KMT2C: variants seen among roughly 807,000 people sequenced by gnomAD.
KMT2C encodes the protein histone-lysine N-methyltransferase 2C.
A neutral mutation model predicts 507.9 loss-of-function variants in KMT2C; 88 were observed. The observed-to-expected ratio is 0.17, with a 90% CI of 0.15 to 0.21. KMT2C has a LOEUF of 0.21. Among genes scored for constraint, KMT2C ranks in the 10% least tolerant of loss-of-function variants. The pLI, the probability that KMT2C is intolerant of heterozygous loss-of-function variation, is 1.00. For synonymous variants in KMT2C, 2,049 were observed against 2,080.8 expected, an observed-to-expected ratio of 0.98 and a Z score of 0.42; for missense variants, 4,954 against 5,957.8, an observed-to-expected ratio of 0.83 and a Z score of 5.55.
At chr7:152,277,241 T>C (rs2129179648) in intron 6 of KMT2C, among the ~76,000 whole-genome samples, 1 of 152,354 alleles carries the variant, frequency 6.6e-6, no homozygotes, top group East Asian at 1.9e-4. Flanking sequence ...GCTCCAAATT[T>C]GTTTTTAATC....
rs2096519959 is a variant in KMT2C at position 152,297,066 on chromosome 7, AG to A, written c.849+12899del. Among the ~76,000 whole-genome samples, 4 of 117,570 alleles carry A rather than the reference AG, an allele frequency of 3.4e-5. 1 individual carries two copies. Among genetic ancestry groups the A allele is most frequent in the African/African-American group, 1.7e-4 (4 of 23,054 alleles). The allele number at this position is 117,570 out of a possible 152,430, so 77.1% of individuals were successfully genotyped here. On this transcript the variant is annotated intron_variant, in intron 6 of 58. Coordinates refer to ENST00000262189, the MANE Select transcript of KMT2C (RefSeq NM_170606.3). ...GAAAGAAAGAAAGACAGAGAGAGAG[AG>A]AGAGAGAGAGAGAGAGAGAGAGAGA...
At chr7:152,376,422 C>T (rs2097329099) in intron 1 of KMT2C, among the ~76,000 whole-genome samples, 1 of 152,166 alleles carries the variant, frequency 6.6e-6, no homozygotes, top group Non-Finnish European at 1.5e-5. Flanking sequence ...GGCTAGACCT[C>T]TTGTACCACT....
chr7:152,219,670 G>C (rs941692662), intron 23 of KMT2C, among the ~76,000 whole-genome samples: 1 of 151,154 alleles, frequency 6.6e-6, no homozygotes, highest in Non-Finnish European at 1.5e-5. Flanking sequence ...ATAAATAACC[G>C]CCCCAAAAAT....
chr7:152,251,733 A>T (rs547993929), intron 11 of KMT2C, among the ~76,000 whole-genome samples: 1 of 152,310 alleles, frequency 6.6e-6, no homozygotes, highest in Admixed American at 6.5e-5. Context: ...AATACTAAAA[A>T]AAACTATCTT....
intron 1 of KMT2C, among the ~76,000 whole-genome samples, chr7:152,360,855 G>A (rs2360218): frequency 0.98 from 147,074 of 149,670 alleles, 72,263 homozygotes; most frequent in East Asian, 1. Context: ...ATCTCAAAAA[G>A]AAAAAAAAAT....
chr7:152,350,916 T>C (rs745316046), intron 2 of KMT2C, among the ~76,000 whole-genome samples: 11 of 152,214 alleles, frequency 7.2e-5, no homozygotes, highest in Non-Finnish European at 8.8e-5. Context: ...TCTTCCTTTC[T>C]ACCCTTATTC....
chr7:152,261,221 C>G (rs865801350), intron 9 of KMT2C, among the ~76,000 whole-genome samples: 1 of 150,700 alleles, frequency 6.6e-6, no homozygotes, highest in Non-Finnish European at 1.5e-5. Context: ...AATACCTGCC[C>G]TTCCTGATCC....
chr7:152,361,559 G>A (rs1589448079), intron 1 of KMT2C, among the ~76,000 whole-genome samples: 1 of 150,994 alleles, frequency 6.6e-6, no homozygotes, highest in African/African-American at 2.4e-5. Flanking sequence ...GAGAAACTCC[G>A]TCTCAAAAAA....
At chr7:152,296,806 C>T (rs763076105) in intron 6 of KMT2C, among the ~76,000 whole-genome samples, 3 of 151,664 alleles carry the variant, frequency 2.0e-5, no homozygotes, top group South Asian at 2.1e-4. Context: ...TCACAGAGAC[C>T]GGATTATCGG....
At chr7:152,277,390 G>A (rs1263743024) in intron 6 of KMT2C, among the ~76,000 whole-genome samples, 1 of 152,068 alleles carries the variant, frequency 6.6e-6, no homozygotes, top group Non-Finnish European at 1.5e-5. Flanking sequence ...TTTTATATGA[G>A]TACCAGAATG....
At chr7:152,232,523 C>T (rs1005553970) in intron 16 of KMT2C, among the ~76,000 whole-genome samples, 3 of 152,118 alleles carry the variant, frequency 2.0e-5, no homozygotes, top group African/African-American at 7.2e-5. Context: ...TGCTGCTTTT[C>T]ATCAGTTCAG....
intron 40 of KMT2C, 26 bp from the exon 41 acceptor site, chr7:152,169,275 T>G: frequency 7.6e-7 from 1 of 1,319,408 alleles, no homozygotes; most frequent in Non-Finnish European, 1.1e-6. Flanking sequence ...TTTACAAATA[T>G]GTTTATTCCA....
In KMT2C at chr7:152,315,156, T is replaced by C. The variant is rs752226674; in HGVS notation, c.572A>G (p.Lys191Arg). The C allele has an allele frequency of 1.2e-5, 20 of 1,613,942 alleles. No homozygotes were observed. The highest frequency in any genetic ancestry group is 5.0e-5 in the Admixed American group (3 of 59,998). ...TGCTTACTTTCTCTGTCCTCTTTGT[T>C]TTCGTGGTGCTGAGTTTTGCATTTT... ...YEKMQNSAPR[K>R]QRGQRKERSP... The change falls in exon 4 of 59, where the codon AAA (lysine) becomes AGA (arginine). Residue 191 changes from lysine to arginine, a missense_variant. By Grantham distance (26) the Lys-to-Arg change is conservative. Around this residue, in one of 29 missense-constraint regions of KMT2C, gnomAD observed 233 missense variants for 263.6 expected, o/e 0.88. Coordinates refer to ENST00000262189, the MANE Select transcript of KMT2C (RefSeq NM_170606.3).
Position 152,237,441 on chromosome 7 carries a change from G to A in KMT2C, c.2652+1266C>T, listed in dbSNP as rs1174077025. On this transcript the variant is annotated intron_variant, in intron 15 of 58. Transcript: ENST00000262189. ...CTCCTTGAGATCCCTTTTGAGAAGTGCATCAGCTTCTTTGCACAACAGATG... is the reference window on the plus strand; with the variant it reads ...CTCCTTGAGATCCCTTTTGAGAAGTACATCAGCTTCTTTGCACAACAGATG... 4.6e-5 allele frequency among the ~76,000 whole-genome samples: 7 copies of A among 152,302 alleles called. No homozygotes were observed. The South Asian group carries it at 1.5e-3, about 32-fold the overall frequency.
At chr7:152,264,902 T>G in intron 8 of KMT2C, 136 bp downstream of exon 8, 1 of 972,018 alleles carries the variant, frequency 1.0e-6, no homozygotes, top group Non-Finnish European at 1.4e-6. Flanking sequence ...AGTAATTTTT[T>G]TAAGTATGAT....
In KMT2C at chr7:152,135,230, C is replaced by T. The variant is rs759029261; in HGVS notation, c.*1602G>A. ...CATCATGCCATATACAAGTTCAGAA[C>T]TGCATCACTGAATATACCAACAGTT... On this transcript the variant is annotated 3_prime_UTR_variant, in exon 59 of 59. Transcript: ENST00000262189. The T allele has an allele frequency of 4.5e-6, 1 of 220,730 alleles. No individual in the cohort carries two copies. The highest frequency in any genetic ancestry group is 9.1e-6 in the Non-Finnish European group (1 of 109,866). 13.7% of individuals were successfully genotyped at this position (220,730 alleles called of 1,614,324 possible). A position where few individuals can be genotyped will look rare whatever the true frequency, so the allele number is the denominator to read the frequency against.
intron 14 of KMT2C, 190 bp from the exon 15 acceptor site, chr7:152,239,016 G>A (rs1439122346): frequency 4.1e-6 from 2 of 492,716 alleles, no homozygotes; most frequent in Admixed American, 4.4e-5. Flanking sequence ...TAACTTAAAT[G>A]TTTGCTGCTA....
chr7:152,359,968 G>A (rs1460013526), intron 1 of KMT2C, among the ~76,000 whole-genome samples: 1 of 144,700 alleles, frequency 6.9e-6, no homozygotes, highest in East Asian at 2.1e-4. Context: ...AGAATCGCTT[G>A]AACCTGACAG....
At chr7:152,251,010 T>C (rs970368060) in intron 11 of KMT2C, 44 bp from the exon 12 acceptor site, 2 of 1,102,982 alleles carry the variant, frequency 1.8e-6, no homozygotes, top group Non-Finnish European at 2.8e-6. Flanking sequence ...ATGAGTTTTT[T>C]TCTTTGTTCA....
Sources: allele counts gnomAD v4.1 joint callset (sites outside exome capture counted in the v4.1 genomes callset), GRCh38; gene constraint gnomAD v4.1.1; regional missense constraint gnomAD v4.1.1; transcripts MANE v1.5; gene names NCBI Gene and HGNC (gene_info 2026-07-23, HGNC 2026-07-21).